The following TBC1D22B variants were observed in gnomAD, a reference collection of about 807,000 sequenced individuals.
TBC1D22B encodes chromosome 6 open reading frame 197.
A neutral mutation model predicts 69.1 loss-of-function variants in TBC1D22B; 32 were observed. That is an observed-to-expected ratio of 0.46 (90% CI 0.35 to 0.62). The LOEUF (loss-of-function observed/expected upper bound fraction) is 0.62, where lower values mean the gene tolerates loss of function less well. Ranked by LOEUF, TBC1D22B falls within the 20% of genes least tolerant of loss-of-function variation. The pLI is 0.00. For missense variants in TBC1D22B, 462 were observed against 630.9 expected, an observed-to-expected ratio of 0.73 and a Z score of 2.87; for synonymous variants, 206 against 229.8, an observed-to-expected ratio of 0.90 and a Z score of 0.94.
chr6:37,271,793 C>T (rs1453513667), intron 2 of TBC1D22B, among the ~76,000 whole-genome samples: 3 of 150,226 alleles, frequency 2.0e-5, no homozygotes, highest in African/African-American at 4.9e-5. Context: ...GTATAAGGCA[C>T]AGTCTTCTGA....
chr6:37,317,845 A>C (rs1348294378), intron 12 of TBC1D22B, among the ~76,000 whole-genome samples: 1 of 152,178 alleles, frequency 6.6e-6, no homozygotes, highest in Non-Finnish European at 1.5e-5. Context: ...GGAAACAGCC[A>C]GTGCAGGGGC....
intron 8 of TBC1D22B, among the ~76,000 whole-genome samples, chr6:37,294,288 T>G (rs195762): frequency 6.6e-6 from 1 of 152,096 alleles, no homozygotes; most frequent in African/African-American, 2.4e-5. Context: ...CTCCTGCCCC[T>G]CCGAGTAGCT....
At chr6:37,303,041 G>T (rs1485538011) in intron 8 of TBC1D22B, among the ~76,000 whole-genome samples, 2 of 152,220 alleles carry the variant, frequency 1.3e-5, no homozygotes, top group African/African-American at 2.4e-5. Flanking sequence ...AGGAAAGGAA[G>T]CAAGGCATAC....
chr6:37,331,201 C>A lies in TBC1D22B; in HGVS notation c.*29C>A. 6.2e-7 allele frequency: 1 copy of A among 1,612,232 alleles called. No individual in the cohort carries two copies. On this transcript the variant is annotated 3_prime_UTR_variant, in exon 13 of 13. Transcript: ENST00000373491. Reference sequence around the variant, plus strand: ...CTGTCTCCTCCGGGGACCCAGACTGCCTTCATCTCTGATGGCAGTCTGATC... The same window carrying A: ...CTGTCTCCTCCGGGGACCCAGACTGACTTCATCTCTGATGGCAGTCTGATC...
At chr6:37,289,557 T>G (rs977126887) in intron 7 of TBC1D22B, among the ~76,000 whole-genome samples, 4 of 152,178 alleles carry the variant, frequency 2.6e-5, no homozygotes, top group Non-Finnish European at 5.9e-5. Flanking sequence ...CTAGCTTCCA[T>G]GTACTTGGCC....
At chr6:37,267,977 A>G (rs59910191) in intron 1 of TBC1D22B, among the ~76,000 whole-genome samples, 4,789 of 152,070 alleles carry the variant, frequency 0.031, 233 homozygotes, top group African/African-American at 0.11. Context: ...TATTACTTTG[A>G]TGTTCTCTTT....
rs551683161 is a variant in TBC1D22B at position 37,310,495 on chromosome 6, C to T, written c.983-2423C>T. Among the ~76,000 whole-genome samples the T allele has an allele frequency of 2.0e-5, 3 of 152,104 alleles. No individual in the cohort carries two copies. The South Asian group carries it at 6.2e-4, about 32-fold the overall frequency. On this transcript the variant is annotated intron_variant, in intron 8 of 12. Coordinates refer to ENST00000373491, the MANE Select transcript of TBC1D22B (RefSeq NM_017772.4). ...ACAAGCCTGGCCAACATGGTGAAAC[C>T]CCGTCGCTACTGAAAATACAAAATT...
intron 6 of TBC1D22B, among the ~76,000 whole-genome samples, chr6:37,285,315 CTTTT>C (rs756459599): frequency 8.2e-5 from 6 of 73,562 alleles, no homozygotes; most frequent in East Asian, 4.9e-4. Context: ...TCCTTCCCCA[CTTTT>C]TTTTTTTTTT....
intron 1 of TBC1D22B, among the ~76,000 whole-genome samples, chr6:37,269,329 G>A (rs1447585074): frequency 2.6e-5 from 4 of 152,150 alleles, no homozygotes; most frequent in Non-Finnish European, 4.4e-5. Flanking sequence ...TCTAAAGCCC[G>A]TTACCTTTCC....
At chr6:37,286,515 C>T (rs1330861219) in intron 6 of TBC1D22B, among the ~76,000 whole-genome samples, 2 of 151,854 alleles carry the variant, frequency 1.3e-5, no homozygotes, top group Admixed American at 6.6e-5. Context: ...CAGGGTTTCA[C>T]CGTGTTAGCC....
At chr6:37,316,640 C>T (rs984996427) in intron 10 of TBC1D22B, 63 bp from the exon 11 acceptor site, 1 of 1,601,570 alleles carries the variant, frequency 6.2e-7, no homozygotes, top group Non-Finnish European at 8.5e-7. Flanking sequence ...GCTATTTTGG[C>T]TCCTGTGGCC....
In TBC1D22B at chr6:37,272,099, G is replaced by A. The variant is rs577078452; in HGVS notation, c.113+2449G>A. Among the ~76,000 whole-genome samples the A allele has an allele frequency of 9.2e-5, 14 of 151,860 alleles. No individual in the cohort carries two copies. The South Asian group carries it at 2.1e-3, about 23-fold the overall frequency. ...CTTTTTTTTCTTTTGAGATAGGGTCGCTCTATTGAGGCTGGCATGCAGTGG... is the reference window on the plus strand; with the variant it reads ...CTTTTTTTTCTTTTGAGATAGGGTCACTCTATTGAGGCTGGCATGCAGTGG... On this transcript the variant is annotated intron_variant, in intron 2 of 12. Transcript: ENST00000373491.
chr6:37,289,697 A>G (rs945672824), intron 7 of TBC1D22B, among the ~76,000 whole-genome samples: 1 of 152,268 alleles, frequency 6.6e-6, no homozygotes, highest in Non-Finnish European at 1.5e-5. Context: ...AGACAGACCC[A>G]GGTCACAAGA....
At chr6:37,327,847 C>T (rs1320688318) in intron 12 of TBC1D22B, among the ~76,000 whole-genome samples, 1 of 151,998 alleles carries the variant, frequency 6.6e-6, no homozygotes, top group Non-Finnish European at 1.5e-5. Flanking sequence ...GGGGGTTCAC[C>T]ACCATCATGA....
chr6:37,283,029 T>C (rs866705854), intron 5 of TBC1D22B, 77 bp downstream of exon 5: 1 of 1,322,330 alleles, frequency 7.6e-7, no homozygotes. Context: ...TCTGGACACA[T>C]TGGTCTTAAC....
intron 2 of TBC1D22B, among the ~76,000 whole-genome samples, chr6:37,272,223 T>A (rs191494646): frequency 6.6e-6 from 1 of 151,638 alleles, no homozygotes; most frequent in Admixed American, 6.6e-5. Flanking sequence ...CACCACCACA[T>A]CTGGCTAATT....
intron 8 of TBC1D22B, among the ~76,000 whole-genome samples, chr6:37,303,945 G>A (rs756620138): frequency 1.2e-4 from 19 of 152,248 alleles, no homozygotes; most frequent in South Asian, 6.2e-4. Context: ...ATTCTTTGAG[G>A]CCAAAGAGTA....
chr6:37,290,324 G>A (rs1767135882), intron 7 of TBC1D22B, among the ~76,000 whole-genome samples: 1 of 152,108 alleles, frequency 6.6e-6, no homozygotes, highest in Admixed American at 6.5e-5. Flanking sequence ...GAGGCATGAG[G>A]CAGCCCAGTC....
chr6:37,262,048 T>G (rs1583517564), intron 1 of TBC1D22B, among the ~76,000 whole-genome samples: 6 of 92,452 alleles, frequency 6.5e-5, no homozygotes, highest in East Asian at 3.7e-4. Flanking sequence ...TTTTTTTTTT[T>G]GAGATGGGGT....
Sources: gnomAD v4.1 joint callset for allele counts (sites outside exome capture counted in the v4.1 genomes callset) on GRCh38, gnomAD v4.1.1 for gene constraint, MANE v1.5 for transcripts, NCBI Gene and HGNC (gene_info 2026-07-23, HGNC 2026-07-21) for gene names.